Variants in NELL1 observed in about 807,000 individuals in gnomAD.
NELL1 encodes the protein protein kinase C-binding protein NELL1.
NELL1 carries 76 observed loss-of-function variants against 107.4 expected under a neutral mutation model. That is an observed-to-expected ratio of 0.71 (90% CI 0.59 to 0.86). NELL1 has a LOEUF of 0.86. Ranked by LOEUF, NELL1 falls within the 40% of genes least tolerant of loss-of-function variation. NELL1 has a pLI of 0.00. For missense variants in NELL1, 1,024 were observed against 1,005.5 expected (o/e 1.02, Z -0.25); for synonymous variants, 353 against 341.2 (o/e 1.03, Z -0.38).
intron 2 of NELL1, among the ~76,000 whole-genome samples, chr11:20,691,918 C>G (rs1454629012): frequency 2.0e-5 from 3 of 152,088 alleles, no homozygotes; most frequent in South Asian, 2.1e-4. Flanking sequence ...GGGTCCTGGA[C>G]TCTTTTTGGT....
intron 14 of NELL1, among the ~76,000 whole-genome samples, chr11:21,236,371 A>C (rs1033198328): frequency 4.6e-5 from 7 of 152,192 alleles, no homozygotes; most frequent in Non-Finnish European, 1.0e-4. Context: ...ATTTAATGCA[A>C]ATCAACCTGC....
intron 15 of NELL1, among the ~76,000 whole-genome samples, chr11:21,510,986 T>C (rs1353027925): frequency 3.9e-5 from 6 of 152,202 alleles, no homozygotes; most frequent in Admixed American, 3.9e-4. Flanking sequence ...TTTCCAGCTG[T>C]ATGATTTTGG....
At position 20,928,383 on chromosome 11, in the gene NELL1, G is replaced by T. The variant is rs1277188860; in HGVS notation, c.901G>T (p.Ala301Ser). The T allele has an allele frequency of 1.2e-6, 2 of 1,613,588 alleles. No homozygotes were observed. The highest frequency in any genetic ancestry group is 1.1e-5 in the South Asian group (1 of 91,066). Residue 301 changes from alanine to serine, a missense_variant, in exon 9 of 20, where the codon GCC becomes TCC. Ala to Ser is a moderately conservative substitution (Grantham distance 99). Transcript: ENST00000357134. ...CATGTCCTTCCTTCCTCAGAGTGGTGCCGTGGAATGCCGAAGGATGTCCTG... is the reference window on the plus strand; with the variant it reads ...CATGTCCTTCCTTCCTCAGAGTGGTTCCGTGGAATGCCGAAGGATGTCCTG... ...HCRNCTCKSG[A>S]VECRRMSCPP...
chr11:20,784,062 T>C (rs1392524373), intron 3 of NELL1, among the ~76,000 whole-genome samples: 1 of 152,236 alleles, frequency 6.6e-6, no homozygotes, highest in Non-Finnish European at 1.5e-5. Flanking sequence ...TGTCTTCTGG[T>C]AGACTTTGAA....
intron 14 of NELL1, among the ~76,000 whole-genome samples, chr11:21,304,768 T>G (rs1354720424): frequency 6.6e-6 from 1 of 151,956 alleles, no homozygotes; most frequent in Non-Finnish European, 1.5e-5. Context: ...CTATATTGTT[T>G]CTTCCATTTC....
intron 13 of NELL1, among the ~76,000 whole-genome samples, chr11:21,139,287 G>A: frequency 6.6e-6 from 1 of 152,170 alleles, no homozygotes. Flanking sequence ...CATCAATTCA[G>A]TCTCTAGTTA....
intron 15 of NELL1, among the ~76,000 whole-genome samples, chr11:21,374,714 G>A (rs1178973486): frequency 2.6e-5 from 4 of 151,980 alleles, no homozygotes; most frequent in Non-Finnish European, 5.9e-5. Context: ...TCCTTGCTTT[G>A]GAACCTTTTC....
chr11:20,793,523 A>G (rs148393336), intron 3 of NELL1, among the ~76,000 whole-genome samples: 2,679 of 151,756 alleles, frequency 0.018, 29 homozygotes, highest in South Asian at 0.033. Context: ...CTTATGTTGG[A>G]TTATCTTGTT....
intron 15 of NELL1, among the ~76,000 whole-genome samples, chr11:21,441,332 TGTGTG>T (rs1564895253): frequency 0.063 from 6,582 of 104,136 alleles, 376 homozygotes; most frequent in African/African-American, 0.13. Flanking sequence ...GGCTGTGACG[TGTGTG>T]TGTGTGTGTG....
At chr11:20,984,584 T>A (rs1851814468) in intron 12 of NELL1, among the ~76,000 whole-genome samples, 1 of 152,162 alleles carries the variant, frequency 6.6e-6, no homozygotes, top group South Asian at 2.1e-4. Context: ...TTCACAAATG[T>A]TGGGAAGCTC....
intron 10 of NELL1, among the ~76,000 whole-genome samples, chr11:20,945,198 G>T (rs944021017): frequency 6.6e-6 from 1 of 152,216 alleles, no homozygotes; most frequent in Non-Finnish European, 1.5e-5. Flanking sequence ...AAACCAGTGA[G>T]GGTGTGGGGG....
chr11:21,330,384 A>T (rs552667458), intron 14 of NELL1, among the ~76,000 whole-genome samples: 1 of 152,266 alleles, frequency 6.6e-6, no homozygotes, highest in South Asian at 2.1e-4. Context: ...GACTGAAGAA[A>T]TTCTTTTAAT....
chr11:21,004,771 T>G (rs529576965), intron 12 of NELL1, among the ~76,000 whole-genome samples: 7 of 152,104 alleles, frequency 4.6e-5, no homozygotes, highest in Non-Finnish European at 7.4e-5. Context: ...TGGCAGCATA[T>G]AGTATATTAA....
intron 2 of NELL1, among the ~76,000 whole-genome samples, chr11:20,771,347 G>A (rs570323446): frequency 9.1e-4 from 138 of 152,290 alleles, no homozygotes; most frequent in African/African-American, 3.2e-3. Context: ...GCCTCTGACA[G>A]TTTGCTAATT....
intron 12 of NELL1, among the ~76,000 whole-genome samples, chr11:20,961,263 C>G (rs1851285013): frequency 6.6e-6 from 1 of 152,174 alleles, no homozygotes; most frequent in Non-Finnish European, 1.5e-5. Context: ...ATTACCTTAA[C>G]ATGCCAGAGG....
intron 15 of NELL1, chr11:21,383,712 TATG>T (rs1231800139): frequency 1.5e-4 from 22 of 149,574 alleles, no homozygotes; most frequent in South Asian, 4.2e-4. Context: ...TATACATAAG[TATG>T]ATATTAATAA....
At chr11:20,772,894 A>C (rs2133970532) in intron 2 of NELL1, among the ~76,000 whole-genome samples, 1 of 152,322 alleles carries the variant, frequency 6.6e-6, no homozygotes, top group African/African-American at 2.4e-5. Context: ...TAAAATGGAG[A>C]TAGCAATGCT....
chr11:21,108,632 T>G (rs1855027596), intron 12 of NELL1, among the ~76,000 whole-genome samples: 1 of 152,178 alleles, frequency 6.6e-6, no homozygotes, highest in African/African-American at 2.4e-5. Flanking sequence ...GGACTCTTTG[T>G]TACTCTTTTC....
chr11:21,551,145 CT>C (rs1449366200), intron 16 of NELL1, among the ~76,000 whole-genome samples: 7 of 151,576 alleles, frequency 4.6e-5, no homozygotes, highest in African/African-American at 1.7e-4. Context: ...CTCTGTTTGT[CT>C]GTTATTGGTG....
Sources: allele counts gnomAD v4.1 joint callset (sites outside exome capture counted in the v4.1 genomes callset), GRCh38; gene constraint gnomAD v4.1.1; transcripts MANE v1.5; gene names NCBI Gene and HGNC (gene_info 2026-07-23, HGNC 2026-07-21).